STXBP4: variants seen among roughly 807,000 people sequenced by gnomAD.
STXBP4 encodes the protein syntaxin binding protein 4, also known as syntaxin-binding protein 4.
Under a neutral mutation model 76.1 loss-of-function variants are expected in STXBP4, and 55 were observed. The ratio of observed to expected loss-of-function variants is 0.72; its 90% CI spans 0.58 to 0.91. The LOEUF is 0.91. STXBP4 is among the 40% of genes least tolerant of loss of function. The pLI is 0.00. For missense variants in STXBP4, 618 were observed against 636.9 expected (o/e 0.97, Z 0.32); for synonymous variants, 201 against 220.2 (o/e 0.91, Z 0.77).
intron 2 of STXBP4, among the ~76,000 whole-genome samples, chr17:54,985,931 C>T (rs942195657): frequency 1.1e-4 from 17 of 152,006 alleles, no homozygotes; most frequent in African/African-American, 4.1e-4. Context: ...TAGACATAGA[C>T]TTATCTATCT....
At position 55,170,911 on chromosome 17, in the gene STXBP4, G is replaced by T. The variant is rs190918543; in HGVS notation, c.*11000G>T. 3 of 152,248 alleles carry T rather than the reference G, an allele frequency of 2.0e-5. No individual in the cohort carries two copies. In the East Asian group the frequency reaches 5.8e-4, roughly 29 times the overall value. The allele number at this position is 152,248 out of a possible 1,614,324, so 9.4% of individuals were successfully genotyped here. On this transcript the variant is annotated 3_prime_UTR_variant, in exon 18 of 18. Coordinates refer to ENST00000376352, the MANE Select transcript of STXBP4 (RefSeq NM_178509.6). ...TGATATTTATGTTTTCATTGTCTGG[G>T]GAGGGCCAAGTTTCATGACAGAGAA... is the stretch of plus-strand genomic sequence containing the variant.
intron 16 of STXBP4, among the ~76,000 whole-genome samples, chr17:55,111,501 A>T (rs1428439701): frequency 6.6e-6 from 1 of 152,176 alleles, no homozygotes; most frequent in Non-Finnish European, 1.5e-5. Flanking sequence ...TGATTGGATC[A>T]TGAGAGTGGA....
the STXBP4 span, among the ~76,000 whole-genome samples, chr17:55,194,292 A>G: frequency 1.3e-5 from 2 of 152,312 alleles, no homozygotes; most frequent in African/African-American, 2.4e-5. Flanking sequence ...AAAATATTGC[A>G]TCAGCACTTT....
intron 17 of STXBP4, among the ~76,000 whole-genome samples, chr17:55,145,888 TAGAG>T (rs1030010305): frequency 5.3e-5 from 8 of 152,146 alleles, no homozygotes; most frequent in Non-Finnish European, 1.0e-4. Flanking sequence ...ATTTTCTCCT[TAGAG>T]AGAGAGTTGC....
At chr17:55,002,734 A>G (rs967997764) in intron 7 of STXBP4, among the ~76,000 whole-genome samples, 1 of 152,250 alleles carries the variant, frequency 6.6e-6, no homozygotes, top group African/African-American at 2.4e-5. Flanking sequence ...ATACAGACTC[A>G]GTGTTCAGGT....
rs1267707430 is a variant in STXBP4 at position 55,162,690 on chromosome 17, A to T, written c.*2779A>T. The T allele has an allele frequency of 6.6e-6, 1 of 152,204 alleles. No homozygotes were observed. Among genetic ancestry groups the T allele is most frequent in the Non-Finnish European group, 1.5e-5 (1 of 68,036 alleles). 9.4% of individuals were successfully genotyped at this position (152,204 alleles called of 1,614,324 possible). Reference sequence around the variant, plus strand: ...AAAAAATCAAGTACTTTGGAAGTGAATAAAGTAAGAGATAGCCTGTCTCAC... The same window carrying T: ...AAAAAATCAAGTACTTTGGAAGTGATTAAAGTAAGAGATAGCCTGTCTCAC... On this transcript the variant is annotated 3_prime_UTR_variant, in exon 18 of 18. Transcript: ENST00000376352.
chr17:55,203,136 A>C, the STXBP4 span, among the ~76,000 whole-genome samples: 1 of 152,108 alleles, frequency 6.6e-6, no homozygotes, highest in African/African-American at 2.4e-5. Context: ...ATGGGTCTCT[A>C]TTTCTAGAAC....
intron 16 of STXBP4, among the ~76,000 whole-genome samples, chr17:55,114,008 A>AT (rs1327893717): frequency 6.6e-6 from 1 of 152,048 alleles, no homozygotes. Context: ...AGAACAACTG[A>AT]TTTTTTATAA....
intron 16 of STXBP4, among the ~76,000 whole-genome samples, chr17:55,135,775 A>G (rs899195623): frequency 1.3e-5 from 2 of 152,180 alleles, no homozygotes; most frequent in African/African-American, 2.4e-5. Context: ...TTGCTCTTTT[A>G]AATAATAATG....
At chr17:55,105,324 CTT>C (rs930904877) in intron 16 of STXBP4, among the ~76,000 whole-genome samples, 2 of 152,108 alleles carry the variant, frequency 1.3e-5, no homozygotes, top group Non-Finnish European at 2.9e-5. Flanking sequence ...TACGTTTTGT[CTT>C]TGTTGTCATT....
chr17:55,188,070 C>T, the STXBP4 span, among the ~76,000 whole-genome samples: 1 of 152,088 alleles, frequency 6.6e-6, no homozygotes, highest in South Asian at 2.1e-4. Context: ...AATCTAAGAC[C>T]AACAGCAGTG....
intron 16 of STXBP4, among the ~76,000 whole-genome samples, chr17:55,092,967 T>C (rs2079435912): frequency 1.3e-5 from 1 of 75,234 alleles, no homozygotes; most frequent in Admixed American, 1.2e-4. Flanking sequence ...AAAAAACATT[T>C]TTTTTGTTTT....
chr17:55,164,355 G>C lies in STXBP4; in HGVS notation c.*4444G>C, dbSNP rs1027327258. The C allele has an allele frequency of 2.6e-5, 4 of 151,920 alleles. No individual in the cohort carries two copies. In the East Asian group the frequency reaches 7.7e-4, roughly 29 times the overall value. 9.4% of individuals were successfully genotyped at this position (151,920 alleles called of 1,614,324 possible). A position where few individuals can be genotyped will look rare whatever the true frequency, so the allele number is the denominator to read the frequency against. ...GGGGGTTGGACTGTTCTGAGGGAAA[G>C]GGCGATCAGATCAATAGTTCTGTCC... On this transcript the variant is annotated 3_prime_UTR_variant, in exon 18 of 18. Transcript: ENST00000376352.
intron 7 of STXBP4, among the ~76,000 whole-genome samples, chr17:55,005,303 A>G (rs2077987892): frequency 6.6e-6 from 1 of 152,214 alleles, no homozygotes. Context: ...TGGAGTCACA[A>G]GAGATTAGAC....
chr17:55,182,971 A>G, the STXBP4 span, among the ~76,000 whole-genome samples: 161 of 152,318 alleles, frequency 1.1e-3, no homozygotes, highest in Non-Finnish European at 1.9e-3. Context: ...TGAAGCTTAA[A>G]GATGAAAGAA....
rs770706948 is a variant in STXBP4, at chr17:55,141,404, T to G, written c.1547+37T>G. 2.1e-5 allele frequency: 33 copies of G among 1,576,506 alleles called. No individual in the cohort carries two copies. In the South Asian group the frequency reaches 3.8e-4, roughly 18 times the overall value. ...CATCTCAACCAAGTAAGCAATTTTC[T>G]TCACATCTGGAGAGAACCTGGAAGT... is the stretch of plus-strand genomic sequence containing the variant. On this transcript the variant is annotated intron_variant, in intron 17 of 17. Coordinates refer to ENST00000376352, the MANE Select transcript of STXBP4 (RefSeq NM_178509.6).
chr17:55,150,814 A>T (rs2080207935), intron 17 of STXBP4, among the ~76,000 whole-genome samples: 1 of 152,178 alleles, frequency 6.6e-6, no homozygotes, highest in South Asian at 2.1e-4. Context: ...CAGCACCTGT[A>T]AGTGTGAATA....
At chr17:55,026,217 T>A (rs372536748) in intron 8 of STXBP4, among the ~76,000 whole-genome samples, 1 of 152,210 alleles carries the variant, frequency 6.6e-6, no homozygotes, top group South Asian at 2.1e-4. Flanking sequence ...ATGCAATCTT[T>A]ATCAAAATAT....
rs183868451 is a variant in STXBP4, at chr17:55,121,289, G to A, written c.1490-20021G>A. Among the ~76,000 whole-genome samples, 16 of 152,266 alleles carry A rather than the reference G, an allele frequency of 1.1e-4. No homozygotes were observed. The East Asian group carries it at 3.1e-3, about 29-fold the overall frequency. Reference sequence around the variant, plus strand: ...TTAAAATCAAGAAAGCATTTATAGAGAATGAAACATTTAATGTTTGACTCT... The same window carrying A: ...TTAAAATCAAGAAAGCATTTATAGAAAATGAAACATTTAATGTTTGACTCT... On this transcript the variant is annotated intron_variant, in intron 16 of 17. Transcript: ENST00000376352.
Sources: allele counts gnomAD v4.1 joint callset (sites outside exome capture counted in the v4.1 genomes callset), GRCh38; gene constraint gnomAD v4.1.1; transcripts MANE v1.5; gene names NCBI Gene and HGNC (gene_info 2026-07-23, HGNC 2026-07-21).